Variants in HNRNPL observed in about 807,000 individuals in gnomAD.
HNRNPL encodes the protein epididymis secretory sperm binding protein.
HNRNPL carries 12 observed loss-of-function variants against 64.0 expected under a neutral mutation model. The ratio of observed to expected loss-of-function variants is 0.19; its 90% CI spans 0.12 to 0.30. The LOEUF (loss-of-function observed/expected upper bound fraction) is 0.30, where lower values mean the gene tolerates loss of function less well. Among genes scored for constraint, HNRNPL ranks in the 10% least tolerant of loss-of-function variants. The pLI is 1.00. For missense variants in HNRNPL, 484 were observed against 797.4 expected (o/e 0.61, Z 4.73); for synonymous variants, 385 against 313.0 (o/e 1.23, Z -2.43).
At chr19:38,846,727 C>T (rs551487117) in intron 2 of HNRNPL, among the ~76,000 whole-genome samples, 1 of 152,022 alleles carries the variant, frequency 6.6e-6, no homozygotes, top group Non-Finnish European at 1.5e-5. Context: ...GCTAACACAG[C>T]GAAACCCCAT....
At chr19:38,841,819 T>C (rs1600056245) in intron 6 of HNRNPL, 4 of 409,242 alleles carry the variant, frequency 9.8e-6, no homozygotes, top group Middle Eastern at 3.6e-4. Flanking sequence ...TCAGAAGATA[T>C]CAGAAAAGTG....
At chr19:38,842,673 C>T (rs1374482121) in intron 6 of HNRNPL, among the ~76,000 whole-genome samples, 1 of 151,970 alleles carries the variant, frequency 6.6e-6, no homozygotes, top group Non-Finnish European at 1.5e-5. Context: ...GAGGCAGAGC[C>T]GCTGAAGTAT....
Position 38,836,446 on chromosome 19 carries a change from C to T in HNRNPL, c.*276G>A. On this transcript the variant is annotated 3_prime_UTR_variant, in exon 13 of 13. Transcript: ENST00000221419. ...ATGTGCCAAGAGTACATGGGCAGCA[C>T]AAATGTATGAACAGGAAAAAAAAAA... The T allele has an allele frequency of 3.1e-6, 1 of 323,048 alleles. No homozygotes were observed. The highest frequency in any genetic ancestry group is 5.7e-6 in the Non-Finnish European group (1 of 175,186). The allele number at this position is 323,048 out of a possible 1,614,324, so 20.0% of individuals were successfully genotyped here. A position where few individuals can be genotyped will look rare whatever the true frequency, so the allele number is the denominator to read the frequency against.
chr19:38,847,179 A>C lies in HNRNPL; in HGVS notation c.386+137T>G, dbSNP rs544847039. 1.2e-3 allele frequency: 584 copies of C among 505,966 alleles called. 1 individual carries two copies. Among genetic ancestry groups the C allele is most frequent in the Non-Finnish European group, 1.8e-3 (499 of 277,100 alleles). The allele number at this position is 505,966 out of a possible 1,614,324, so 31.3% of individuals were successfully genotyped here. ...TAATCTGACACAAAGTACAATGGCC[A>C]ACCCAAAAGCAGAGCGGCCACAGAA... On this transcript the variant is annotated intron_variant, in intron 2 of 12. Transcript: ENST00000221419.
At chr19:38,837,678 A>T (rs1436650303) in intron 10 of HNRNPL, 27 bp from the exon 11 acceptor site, 1 of 1,609,100 alleles carries the variant, frequency 6.2e-7, no homozygotes, top group East Asian at 2.2e-5. Context: ...GTAGTAAATG[A>T]ACTCTGAAAC....
At chr19:38,846,630 C>T (rs778433896) in intron 2 of HNRNPL, among the ~76,000 whole-genome samples, 5 of 152,114 alleles carry the variant, frequency 3.3e-5, no homozygotes, top group Admixed American at 6.6e-5. Context: ...AAAATTAGGC[C>T]GGGCGCAGTG....
chr19:38,851,261 A>G (rs1426644162), upstream of HNRNPL: 3 of 152,276 alleles, frequency 2.0e-5, no homozygotes. Flanking sequence ...CACTGCACCA[A>G]GAGAATGTCG....
chr19:38,840,213 T>TG lies in HNRNPL; in HGVS notation c.1115dup (p.Pro373ThrfsTer21). 9.6e-6 allele frequency: 1 copy of TG among 103,812 alleles called. No individual in the cohort carries two copies. The highest frequency in any genetic ancestry group is 1.9e-5 in the Non-Finnish European group (1 of 51,790). 6.4% of individuals were successfully genotyped at this position (103,812 alleles called of 1,614,324 possible). A position where few individuals can be genotyped will look rare whatever the true frequency, so the allele number is the denominator to read the frequency against. ...TGTCGGCGTGAGGGCCATACTCGGG[T>TG]GGTGGGGGAGGGGGTGGGGGGTGCC... On this transcript the variant is annotated frameshift_variant, in exon 8 of 13. Coordinates refer to ENST00000221419, the MANE Select transcript of HNRNPL (RefSeq NM_001533.3). LOFTEE classifies it high-confidence loss of function.
intron 4 of HNRNPL, 60 bp from the exon 5 acceptor site, chr19:38,844,164 C>T (rs1972206949): frequency 8.8e-7 from 1 of 1,130,072 alleles, no homozygotes. Flanking sequence ...TTCAAGTTAC[C>T]CCAGAGTGTG....
In HNRNPL at chr19:38,836,597, TTAAA is replaced by T. The variant is rs2145401140; in HGVS notation, c.*121_*124del. ...AAGTAAGCCTCTACAAACCTAGCAT[TTAAA>T]AAAAAAAAAAAAAAAAAAAAAAAGG... On this transcript the variant is annotated 3_prime_UTR_variant, in exon 13 of 13. Transcript: ENST00000221419. The T allele has an allele frequency of 1.1e-5, 5 of 451,678 alleles. No homozygotes were observed. The highest frequency in any genetic ancestry group is 3.9e-5 in the African/African-American group (1 of 25,636). The allele number at this position is 451,678 out of a possible 1,614,324, so 28.0% of individuals were successfully genotyped here.
intron 2 of HNRNPL, 67 bp downstream of exon 2, chr19:38,847,249 C>T: frequency 1.4e-6 from 1 of 700,162 alleles, no homozygotes; most frequent in East Asian, 3.0e-5. Context: ...AACCAGAAAT[C>T]GTGGACACAC....
chr19:38,850,546 C>A (rs1318914797), upstream of HNRNPL, among the ~76,000 whole-genome samples: 2 of 152,188 alleles, frequency 1.3e-5, no homozygotes, highest in Admixed American at 1.3e-4. Flanking sequence ...AAATGGGGAG[C>A]CCCGCCCCAG....
chr19:38,851,818 T>TGAGGGGAAATAAAGTTAGGG (rs2145447543), upstream of HNRNPL, among the ~76,000 whole-genome samples: 1 of 151,624 alleles, frequency 6.6e-6, no homozygotes, highest in South Asian at 2.1e-4. Context: ...GCTCTGCCGG[T>TGAGGGGAAATAAAGTTAGGG]GAGGGGAAAT....
chr19:38,849,953 A>T lies in HNRNPL; in HGVS notation c.14T>A (p.Leu5Gln), dbSNP rs1427819001. The T allele has an allele frequency of 7.4e-7, 1 of 1,348,362 alleles. No individual in the cohort carries two copies. 83.5% of individuals were successfully genotyped at this position (1,348,362 alleles called of 1,614,324 possible). The change falls in exon 1 of 13, where the codon CTG becomes CAG. Residue 5 changes from leucine to glutamine, a missense_variant. By Grantham distance (113) the Leu-to-Gln change is moderately radical. This residue lies in a region of HNRNPL where 190 missense variants were observed against 160.1 expected (regional missense o/e 1.19). Coordinates refer to ENST00000221419, the MANE Select transcript of HNRNPL (RefSeq NM_001533.3). ...ACGCCGCTTCTCCGCCCGGGGCAGC[A>T]GCCTCCGCGACATGGCGGCGCAGAA... The part of the protein sequence containing the change: MSRR[L>Q]LPRAEKRRRR...
At chr19:38,848,596 T>C (rs936302015) in intron 1 of HNRNPL, among the ~76,000 whole-genome samples, 3 of 152,296 alleles carry the variant, frequency 2.0e-5, no homozygotes, top group East Asian at 3.9e-4. Flanking sequence ...GTGGGTAGAA[T>C]TGGATTCTAT....
Position 38,846,218 on chromosome 19 carries a change from C to T in HNRNPL, c.387-128G>A, listed in dbSNP as rs144806789. On this transcript the variant is annotated intron_variant, in intron 2 of 12. Coordinates refer to ENST00000221419, the MANE Select transcript of HNRNPL (RefSeq NM_001533.3). ...CCTCTGCAACCCTATCATGGTTCCC[C>T]GACCTGAACACCCTGTGCCACAAGT... 443 of 746,554 alleles carry T rather than the reference C, an allele frequency of 5.9e-4. 4 individuals are homozygous for T. Among genetic ancestry groups the T allele is most frequent in the African/African-American group, 5.8e-3 (337 of 58,236 alleles). The allele number at this position is 746,554 out of a possible 1,614,324, so 46.2% of individuals were successfully genotyped here. A position where few individuals can be genotyped will look rare whatever the true frequency, so the allele number is the denominator to read the frequency against.
chr19:38,841,586 A>C, intron 6 of HNRNPL: 1 of 1,115,150 alleles, frequency 9.0e-7, no homozygotes, highest in Non-Finnish European at 1.2e-6. Context: ...CATTTGTCAC[A>C]AAAAACAAAT....
chr19:38,838,478 G>A lies in HNRNPL; in HGVS notation c.1476C>T (p.Ala492=), dbSNP rs752523227. The part of the protein sequence containing the change: ...NNRFSTPEQA[A]KNRIQHPSNV... ...TGCTGGGGTGCTGGATGCGGTTCTT[G>A]GCTGCCTGCTCTGGGGTGGAGAACC... Residue 492 remains alanine, a synonymous_variant, in exon 10 of 13, where the codon GCC becomes GCT. Transcript: ENST00000221419. The A allele has an allele frequency of 1.2e-6, 2 of 1,614,132 alleles. No individual in the cohort carries two copies. The highest frequency in any genetic ancestry group is 3.3e-4 in the Middle Eastern group (2 of 6,060).
At chr19:38,852,104 G>C (rs891118649), upstream of HNRNPL, among the ~76,000 whole-genome samples, 1 of 147,202 alleles carries the variant, frequency 6.8e-6, no homozygotes, top group African/African-American at 2.6e-5. Context: ...CGCACGGCCG[G>C]AGCACGGCGG....
Sources: allele counts gnomAD v4.1 joint callset (sites outside exome capture counted in the v4.1 genomes callset), GRCh38; gene constraint gnomAD v4.1.1; regional missense constraint gnomAD v4.1.1; transcripts MANE v1.5; gene names NCBI Gene and HGNC (gene_info 2026-07-23, HGNC 2026-07-21).